The following SLC41A2 variants were observed in gnomAD, a reference collection of about 807,000 sequenced individuals.
SLC41A2 encodes the protein solute carrier family 41 member 2.
In SLC41A2, 32 loss-of-function variants were observed where a neutral mutation model predicts 58.3. That is an observed-to-expected ratio of 0.55 (90% CI 0.41 to 0.74). The LOEUF is 0.74. Ranked by LOEUF, SLC41A2 falls within the 30% of genes least tolerant of loss-of-function variation. The pLI is 0.00. For missense variants in SLC41A2, 514 were observed against 680.6 expected, an observed-to-expected ratio of 0.76 and a Z score of 2.72; for synonymous variants, 190 against 235.0, an observed-to-expected ratio of 0.81 and a Z score of 1.75.
intron 8 of SLC41A2, among the ~76,000 whole-genome samples, chr12:104,853,417 A>C (rs2042872722): frequency 6.6e-6 from 1 of 152,138 alleles, no homozygotes; most frequent in Admixed American, 6.5e-5. Flanking sequence ...TCCTCCTCTC[A>C]AGACTTACCA....
intron 3 of SLC41A2, among the ~76,000 whole-genome samples, chr12:104,900,540 A>T (rs2045509511): frequency 6.6e-6 from 1 of 152,216 alleles, no homozygotes; most frequent in African/African-American, 2.4e-5. Flanking sequence ...AGCTGCAGAA[A>T]TGGGGAGGAA....
intron 6 of SLC41A2, among the ~76,000 whole-genome samples, chr12:104,878,299 T>TATATATATA (rs2044157733): frequency 2.1e-5 from 3 of 139,930 alleles, no homozygotes; most frequent in East Asian, 4.6e-4. Flanking sequence ...TACCTGTATT[T>TATATATATA]TATATATATA....
At chr12:104,826,853 G>C (rs745919823) in intron 10 of SLC41A2, among the ~76,000 whole-genome samples, 5 of 152,212 alleles carry the variant, frequency 3.3e-5, no homozygotes, top group Admixed American at 6.5e-5. Flanking sequence ...TGAGAAGCAG[G>C]CTGTTCTGCA....
intron 3 of SLC41A2, among the ~76,000 whole-genome samples, chr12:104,904,370 G>T (rs1218380507): frequency 6.6e-6 from 1 of 152,134 alleles, no homozygotes; most frequent in African/African-American, 2.4e-5. Context: ...TGCCACTTTT[G>T]TTTCTCAAGG....
At chr12:104,957,038 A>G (rs994792977) in intron 1 of SLC41A2, among the ~76,000 whole-genome samples, 1 of 152,204 alleles carries the variant, frequency 6.6e-6, no homozygotes, top group Non-Finnish European at 1.5e-5. Flanking sequence ...CCTCCTAGGT[A>G]TATACCCAAG....
chr12:104,946,883 C>T (rs565082977), intron 1 of SLC41A2, among the ~76,000 whole-genome samples: 1 of 152,326 alleles, frequency 6.6e-6, no homozygotes, highest in Non-Finnish European at 1.5e-5. Flanking sequence ...CAGAGTCAAA[C>T]TGGCTTACAT....
intron 3 of SLC41A2, among the ~76,000 whole-genome samples, chr12:104,896,849 C>T (rs1255606985): frequency 6.6e-6 from 1 of 152,212 alleles, no homozygotes; most frequent in Non-Finnish European, 1.5e-5. Flanking sequence ...GACAGTCTAC[C>T]AGTGAGAAGA....
chr12:104,953,641 A>G (rs747722005), intron 1 of SLC41A2, among the ~76,000 whole-genome samples: 8 of 152,198 alleles, frequency 5.3e-5, no homozygotes, highest in Non-Finnish European at 1.2e-4. Flanking sequence ...CTGGTGCAAC[A>G]GTTTCATCTG....
chr12:104,878,491 T>C (rs1232421591), intron 6 of SLC41A2, among the ~76,000 whole-genome samples: 10 of 146,530 alleles, frequency 6.8e-5, no homozygotes, highest in Admixed American at 2.0e-4. Context: ...GGCCCTGGTG[T>C]GTGATGTTCT....
intron 1 of SLC41A2, among the ~76,000 whole-genome samples, chr12:104,933,649 A>G (rs2047152310): frequency 6.6e-6 from 1 of 152,024 alleles, no homozygotes; most frequent in Non-Finnish European, 1.5e-5. Context: ...AGTGCCCATC[A>G]ATGAATTAGA....
At chr12:104,819,078 CT>C (rs993574038) in intron 10 of SLC41A2, among the ~76,000 whole-genome samples, 1 of 151,714 alleles carries the variant, frequency 6.6e-6, no homozygotes, top group Non-Finnish European at 1.5e-5. Flanking sequence ...AGAAAATATA[CT>C]TTTTTTTCAA....
chr12:104,950,590 G>T (rs764495605), intron 1 of SLC41A2, among the ~76,000 whole-genome samples: 11 of 152,130 alleles, frequency 7.2e-5, no homozygotes, highest in Non-Finnish European at 1.0e-4. Flanking sequence ...GGCTGGTCAC[G>T]AACTCCTGAA....
In SLC41A2 at chr12:104,928,479, G is replaced by C; in HGVS notation, c.49C>G (p.Pro17Ala). The C allele has an allele frequency of 6.5e-7, 1 of 1,541,258 alleles. No homozygotes were observed. The change falls in exon 2 of 11, where the codon CCA (proline) becomes GCA (alanine). Residue 17 changes from proline to alanine, a missense_variant. Physicochemically the swap from Pro to Ala is conservative, Grantham distance 27 (BLOSUM62 -1). Coordinates refer to ENST00000258538, the MANE Select transcript of SLC41A2 (RefSeq NM_001352171.3). ...TCTACAAAACCTCCTCCACTACTTG[G>C]ACCACCACTTGTTTTATCGGTAATA... ...RSITDKTSGGPSSGGGFVDWT... is the reference protein window; with the variant it reads ...RSITDKTSGGASSGGGFVDWT...
chr12:104,938,275 G>C (rs987196213), intron 1 of SLC41A2, among the ~76,000 whole-genome samples: 4 of 152,190 alleles, frequency 2.6e-5, no homozygotes, highest in Admixed American at 6.5e-5. Flanking sequence ...TATTTTTTAA[G>C]CTTGGTGGTG....
At chr12:104,872,705 GGGCGACAGTC>G (rs1446323570) in intron 6 of SLC41A2, among the ~76,000 whole-genome samples, 1 of 152,144 alleles carries the variant, frequency 6.6e-6, no homozygotes, top group Non-Finnish European at 1.5e-5. Context: ...ACTCCAGCCT[GGGCGACAGTC>G]GAGCAAGACT....
chr12:104,820,008 A>G (rs1351778351), intron 10 of SLC41A2, among the ~76,000 whole-genome samples: 2 of 152,108 alleles, frequency 1.3e-5, no homozygotes, highest in Non-Finnish European at 2.9e-5. Flanking sequence ...AGGCATCCTG[A>G]CTCTCTGGAC....
At chr12:104,936,312 T>C (rs2047267754) in intron 1 of SLC41A2, among the ~76,000 whole-genome samples, 1 of 152,226 alleles carries the variant, frequency 6.6e-6, no homozygotes, top group East Asian at 1.9e-4. Flanking sequence ...TGTGTGCTAC[T>C]GGCCCAGGAA....
chr12:104,805,363 C>T, intron 10 of SLC41A2, 26 bp from the exon 11 acceptor site: 5 of 1,593,338 alleles, frequency 3.1e-6, no homozygotes, highest in Non-Finnish European at 4.3e-6. Context: ...AGAGATTACT[C>T]CGGCTGCCTG....
At position 104,804,622 on chromosome 12, in the gene SLC41A2, C is replaced by T. The variant is rs1947041570; in HGVS notation, c.*530G>A. On this transcript the variant is annotated 3_prime_UTR_variant, in exon 11 of 11. Transcript: ENST00000258538. ...AAAAGTGAGTTTATCTTATGCTCAGCAAAACATATTTAGGTCAGTTTAAAT... is the reference window on the plus strand; with the variant it reads ...AAAAGTGAGTTTATCTTATGCTCAGTAAAACATATTTAGGTCAGTTTAAAT... 1 of 152,352 alleles carries T rather than the reference C, an allele frequency of 6.6e-6. No homozygotes were observed. The highest frequency in any genetic ancestry group is 2.1e-4 in the South Asian group (1 of 4,834). 9.4% of individuals were successfully genotyped at this position (152,352 alleles called of 1,614,324 possible). A position where few individuals can be genotyped will look rare whatever the true frequency, so the allele number is the denominator to read the frequency against.
Sources: allele counts gnomAD v4.1 joint callset (sites outside exome capture counted in the v4.1 genomes callset), GRCh38; gene constraint gnomAD v4.1.1; transcripts MANE v1.5; gene names NCBI Gene and HGNC (gene_info 2026-07-23, HGNC 2026-07-21).